The following RIMS1 variants were observed in gnomAD, a reference collection of about 807,000 sequenced individuals.
RIMS1 encodes the protein regulating synaptic membrane exocytosis 1.
A neutral mutation model predicts 214.1 loss-of-function variants in RIMS1; 83 were observed. The observed-to-expected ratio is 0.39, with a 90% confidence interval of 0.32 to 0.47. The LOEUF is 0.47. RIMS1 is among the 20% of genes least tolerant of loss of function. The pLI is 0.99. For missense variants in RIMS1, 2,050 were observed against 2,161.8 expected (o/e 0.95, Z 1.03); for synonymous variants, 793 against 786.8 (o/e 1.01, Z -0.13).
chr6:71,903,809 G>A (rs556773151), intron 1 of RIMS1, among the ~76,000 whole-genome samples: 40 of 151,842 alleles, frequency 2.6e-4, no homozygotes, highest in African/African-American at 9.4e-4. Context: ...TGCATATTAA[G>A]TCTGCACTAG....
chr6:72,069,964 G>A (rs1830211906), intron 2 of RIMS1, among the ~76,000 whole-genome samples: 1 of 152,198 alleles, frequency 6.6e-6, no homozygotes, highest in Non-Finnish European at 1.5e-5. Flanking sequence ...AGGAAAACAT[G>A]TATGACACTT....
intron 4 of RIMS1, among the ~76,000 whole-genome samples, chr6:72,136,553 T>G (rs1239887172): frequency 6.6e-6 from 1 of 152,150 alleles, no homozygotes; most frequent in Non-Finnish European, 1.5e-5. Context: ...GAGAATTCTG[T>G]ATCTAACTGG....
intron 26 of RIMS1, among the ~76,000 whole-genome samples, chr6:72,298,358 G>A (rs141871200): frequency 0.011 from 1,736 of 151,734 alleles, 18 homozygotes; most frequent in Non-Finnish European, 0.015. Flanking sequence ...TTATTTTCCC[G>A]CCGAAAAGCT....
rs1442396599 is a variant in RIMS1 at position 72,261,085 on chromosome 6, C to A, written c.3116+318C>A. The A allele has an allele frequency of 5.0e-6, 6 of 1,201,842 alleles. No individual in the cohort carries two copies. The Admixed American group carries it at 1.1e-4, about 22-fold the overall frequency. 74.4% of individuals were successfully genotyped at this position (1,201,842 alleles called of 1,614,324 possible). On this transcript the variant is annotated intron_variant, in intron 19 of 33. Transcript: ENST00000521978. The stretch of plus-strand genomic sequence containing the variant: ...TCTAAATGCTCACTGTGAGTGCCCC[C>A]AACTTTCCCACACATATTCCTGTCT...
chr6:72,191,912 A>C lies in RIMS1; in HGVS notation c.1678+8763A>C, dbSNP rs369664927. 2.4e-3 allele frequency among the ~76,000 whole-genome samples: 373 copies of C among 152,314 alleles called. 1 individual carries two copies. The highest frequency in any genetic ancestry group is 0.02 in the Middle Eastern group (6 of 294). ...CCCTGGGTCTTTCAAGTACTCGATG[A>C]TGGCACTAATCTCTTCAGTCACTCC... On this transcript the variant is annotated intron_variant, in intron 6 of 33. Transcript: ENST00000521978.
intron 1 of RIMS1, among the ~76,000 whole-genome samples, chr6:71,902,516 A>T (rs1773966034): frequency 6.6e-6 from 1 of 151,982 alleles, no homozygotes. Context: ...TTTCCTATGT[A>T]TGTGATCTTT....
intron 2 of RIMS1, among the ~76,000 whole-genome samples, chr6:72,064,687 T>C (rs983881679): frequency 1.9e-5 from 1 of 51,496 alleles, no homozygotes; most frequent in Non-Finnish European, 3.6e-5. Flanking sequence ...ATTTCTATGA[T>C]GATGAAGTTT....
intron 22 of RIMS1, 134 bp downstream of exon 22, chr6:72,266,183 T>A (rs1016873154): frequency 1.3e-5 from 9 of 713,904 alleles, no homozygotes; most frequent in Non-Finnish European, 2.0e-5. Context: ...CATTTCCCCT[T>A]CCCTTATTAT....
At chr6:71,941,795 T>C (rs1786240684) in intron 1 of RIMS1, among the ~76,000 whole-genome samples, 1 of 152,176 alleles carries the variant, frequency 6.6e-6, no homozygotes, top group Non-Finnish European at 1.5e-5. Context: ...AACTCATACA[T>C]TACAGCTTTT....
At chr6:72,040,884 T>C (rs995955112) in intron 2 of RIMS1, among the ~76,000 whole-genome samples, 1 of 151,974 alleles carries the variant, frequency 6.6e-6, no homozygotes, top group East Asian at 1.9e-4. Flanking sequence ...TTATTAATAA[T>C]AATATGGTTT....
intron 6 of RIMS1, among the ~76,000 whole-genome samples, chr6:72,187,841 G>A (rs567172266): frequency 1.3e-5 from 2 of 152,078 alleles, no homozygotes; most frequent in South Asian, 2.1e-4. Flanking sequence ...TCTCTAGAGG[G>A]ACAGAACTAC....
intron 29 of RIMS1, among the ~76,000 whole-genome samples, chr6:72,373,365 T>C (rs1391199416): frequency 6.6e-6 from 1 of 152,210 alleles, no homozygotes; most frequent in Admixed American, 6.5e-5. Context: ...GTTTTCCTTC[T>C]CAGGAAGAGT....
At position 71,886,867 on chromosome 6, in the gene RIMS1, T is replaced by TCTGCTG. The variant is rs755283556; in HGVS notation, c.-143_-138dup. 14 of 732,676 alleles carry TCTGCTG rather than the reference T, an allele frequency of 1.9e-5. No individual in the cohort carries two copies. Among genetic ancestry groups the TCTGCTG allele is most frequent in the South Asian group, 5.2e-5 (3 of 57,394 alleles). The allele number at this position is 732,676 out of a possible 1,614,324, so 45.4% of individuals were successfully genotyped here. A position where few individuals can be genotyped will look rare whatever the true frequency, so the allele number is the denominator to read the frequency against. On this transcript the variant is annotated 5_prime_UTR_variant, in exon 1 of 34. Coordinates refer to ENST00000521978, the MANE Select transcript of RIMS1 (RefSeq NM_014989.7). ...AGACTGGGTTCTCGCTCTCCCCGGCTCTGCTGCTGCTGCTGCTGCCGCCGC... is the reference window on the plus strand; with the variant it reads ...AGACTGGGTTCTCGCTCTCCCCGGCTCTGCTGCTGCTGCTGCTGCTGCTGCCGCCGC...
chr6:72,148,863 A>C (rs1188082645), intron 4 of RIMS1, among the ~76,000 whole-genome samples: 1 of 152,040 alleles, frequency 6.6e-6, no homozygotes, highest in Non-Finnish European at 1.5e-5. Context: ...AGTTGGGGCC[A>C]CTTCTCTGTT....
rs140611926 is a variant in RIMS1, at chr6:72,195,085, C to T, written c.1678+11936C>T. Among the ~76,000 whole-genome samples, 495 of 152,208 alleles carry T rather than the reference C, an allele frequency of 3.3e-3. 3 individuals are homozygous for T. The highest frequency in any genetic ancestry group is 0.01 in the African/African-American group (427 of 41,534). On this transcript the variant is annotated intron_variant, in intron 6 of 33. Transcript: ENST00000521978. ...TTGAGTAAAGAGGCCTAAGAGTAAA[C>T]AGTGAAATTAAGGTGCTGTCTTGAT...
At chr6:72,341,235 C>A (rs2097079668) in intron 29 of RIMS1, among the ~76,000 whole-genome samples, 1 of 151,990 alleles carries the variant, frequency 6.6e-6, no homozygotes, top group Non-Finnish European at 1.5e-5. Context: ...CAAACAGGGA[C>A]AATTTGACTT....
rs527686277 is a variant in RIMS1 at position 72,182,366 on chromosome 6, C to G, written c.895C>G (p.Gln299Glu). ...ERKRVPKTSA[Q>E]PVEGAVEERE... is the part of the protein sequence containing the mutation. ...GAAACGCGTGCCAAAGACCTCAGCGCAGCCCGTGGAGGGGGCCGTCGAAGA... is the reference window on the plus strand; with the variant it reads ...GAAACGCGTGCCAAAGACCTCAGCGGAGCCCGTGGAGGGGGCCGTCGAAGA... The change falls in exon 6 of 34, where the codon CAG becomes GAG. Residue 299 changes from glutamine to glutamate, a missense_variant. Physicochemically the swap from Gln to Glu is conservative, Grantham distance 29. Coordinates refer to ENST00000521978, the MANE Select transcript of RIMS1 (RefSeq NM_014989.7). 60 of 1,613,870 alleles carry G rather than the reference C, an allele frequency of 3.7e-5. No homozygotes were observed. The South Asian group carries it at 5.7e-4, about 15-fold the overall frequency.
chr6:72,033,657 T>A (rs923017610), intron 2 of RIMS1, among the ~76,000 whole-genome samples: 2 of 152,190 alleles, frequency 1.3e-5, no homozygotes, highest in South Asian at 4.2e-4. Flanking sequence ...AATTTTTGTA[T>A]TTTTAGTAGA....
intron 1 of RIMS1, among the ~76,000 whole-genome samples, chr6:71,936,184 G>A (rs1346054341): frequency 1.3e-5 from 2 of 151,504 alleles, no homozygotes; most frequent in Non-Finnish European, 2.9e-5. Context: ...AAAATTAGCC[G>A]GGCGTGGTAG....
Sources: allele counts gnomAD v4.1 joint callset (sites outside exome capture counted in the v4.1 genomes callset), GRCh38; gene constraint gnomAD v4.1.1; transcripts MANE v1.5; gene names NCBI Gene and HGNC (gene_info 2026-07-23, HGNC 2026-07-21).